SLCO6A1: variants seen among roughly 807,000 people sequenced by gnomAD.
SLCO6A1 encodes the protein solute carrier organic anion transporter family member 6A1.
A neutral mutation model predicts 72.7 loss-of-function variants in SLCO6A1; 65 were observed. That is an observed-to-expected ratio of 0.89 (90% CI 0.73 to 1.10). SLCO6A1 has a LOEUF of 1.10. Among genes scored for constraint, SLCO6A1 ranks in the 50% least tolerant of loss-of-function variants. The pLI, the probability that SLCO6A1 is intolerant of heterozygous loss-of-function variation, is 0.00. For synonymous variants in SLCO6A1, 314 were observed against 298.2 expected (o/e 1.05, Z -0.55); for missense variants, 874 against 872.6 (o/e 1.00, Z -0.02).
Position 102,477,865 on chromosome 5 carries a change from T to C in SLCO6A1, c.617-4A>G, listed in dbSNP as rs776861672. ...ACCTTTATTTCTTCGCAAATATCTT[T>C]TGAAAATACAATGATTATATTTTTG... is the stretch of plus-strand genomic sequence containing the variant. On this transcript the variant is annotated splice_region_variant and splice_polypyrimidine_tract_variant and intron_variant, in intron 2 of 13. Coordinates refer to ENST00000506729, the MANE Select transcript of SLCO6A1 (RefSeq NM_173488.5). 1 of 1,592,808 alleles carries C rather than the reference T, an allele frequency of 6.3e-7. No individual in the cohort carries two copies. The highest frequency in any genetic ancestry group is 8.6e-7 in the Non-Finnish European group (1 of 1,167,830).
chr5:102,475,054 T>A (rs753879054), intron 4 of SLCO6A1, among the ~76,000 whole-genome samples: 3 of 152,006 alleles, frequency 2.0e-5, no homozygotes, highest in Admixed American at 1.3e-4. Context: ...AAAAATAGAC[T>A]TACCATATGA....
At chr5:102,412,136 C>T (rs938974935) in intron 9 of SLCO6A1, among the ~76,000 whole-genome samples, 1 of 151,346 alleles carries the variant, frequency 6.6e-6, no homozygotes, top group Non-Finnish European at 1.5e-5. Flanking sequence ...GGAAGCCCTA[C>T]CCCAAAACCC....
At chr5:102,403,905 A>G (rs1330481793) in intron 9 of SLCO6A1, among the ~76,000 whole-genome samples, 1 of 152,024 alleles carries the variant, frequency 6.6e-6, no homozygotes, top group East Asian at 1.9e-4. Context: ...TTATATATAT[A>G]CTTTTTACCT....
intron 4 of SLCO6A1, among the ~76,000 whole-genome samples, chr5:102,470,932 C>T (rs929300241): frequency 3.9e-5 from 6 of 151,986 alleles, no homozygotes; most frequent in East Asian, 3.9e-4. Context: ...CTGGTTTTCT[C>T]GATTGTTTTT....
intron 1 of SLCO6A1, among the ~76,000 whole-genome samples, chr5:102,485,417 A>G (rs1752405882): frequency 1.3e-5 from 2 of 152,304 alleles, no homozygotes; most frequent in South Asian, 4.1e-4. Flanking sequence ...CTTGGGCCAT[A>G]TTGTACCAGT....
intron 10 of SLCO6A1, among the ~76,000 whole-genome samples, chr5:102,394,650 A>G (rs531010841): frequency 1.3e-5 from 2 of 152,110 alleles, no homozygotes; most frequent in Non-Finnish European, 2.9e-5. Context: ...AAATAAATAG[A>G]GAGGATCTCT....
rs532929221 is a variant in SLCO6A1, at chr5:102,393,064, A to T, written c.1815-2019T>A. Among the ~76,000 whole-genome samples, 102 of 152,060 alleles carry T rather than the reference A, an allele frequency of 6.7e-4. No individual in the cohort carries two copies. In the South Asian group the frequency reaches 8.7e-3, roughly 13 times the overall value. On this transcript the variant is annotated intron_variant, in intron 10 of 13. Coordinates refer to ENST00000506729, the MANE Select transcript of SLCO6A1 (RefSeq NM_173488.5). ...GTAGATCCAATACTGTCATTAAAAA[A>T]TTTTTTTCATATCTCTTTTTTTATC...
intron 9 of SLCO6A1, among the ~76,000 whole-genome samples, chr5:102,408,396 A>G (rs146107614): frequency 1.3e-5 from 2 of 152,240 alleles, no homozygotes; most frequent in East Asian, 3.9e-4. Context: ...AGAGAGAGAG[A>G]GGTTAAATAG....
intron 7 of SLCO6A1, among the ~76,000 whole-genome samples, chr5:102,434,253 T>C (rs1175533379): frequency 4.6e-5 from 7 of 152,036 alleles, no homozygotes; most frequent in Non-Finnish European, 8.8e-5. Flanking sequence ...ACAACTTTGC[T>C]TAGAATTTTG....
At chr5:102,436,641 C>G (rs1749551511) in intron 7 of SLCO6A1, among the ~76,000 whole-genome samples, 2 of 152,090 alleles carry the variant, frequency 1.3e-5, no homozygotes, top group Admixed American at 1.3e-4. Flanking sequence ...TTAATGATCC[C>G]CATGAGCTAC....
rs541690031 is a variant in SLCO6A1, at chr5:102,478,421, A to T, written c.617-560T>A. Reference sequence around the variant, plus strand: ...AAGAGTACTTTCTGAGTTTAGTTTTATGTTCACCTCTTTAACAATCTTTAT... The same window carrying T: ...AAGAGTACTTTCTGAGTTTAGTTTTTTGTTCACCTCTTTAACAATCTTTAT... On this transcript the variant is annotated intron_variant, in intron 2 of 13. Transcript: ENST00000506729. Among the ~76,000 whole-genome samples the T allele has an allele frequency of 2.1e-3, 317 of 152,246 alleles. 3 individuals carry two copies. The highest frequency in any genetic ancestry group is 7.2e-3 in the African/African-American group (301 of 41,558).
At position 102,419,979 on chromosome 5, in the gene SLCO6A1, C is replaced by T; in HGVS notation, c.1319G>A (p.Gly440Glu). The T allele has an allele frequency of 6.3e-7, 1 of 1,587,008 alleles. No homozygotes were observed. The highest frequency in any genetic ancestry group is 1.9e-5 in the Admixed American group (1 of 51,408). ...IPGGALGQLL[G>E]GVIVSTLEMS... The stretch of plus-strand genomic sequence containing the variant: ...TTCTAATGTGGAAACAATGACACCT[C>T]CCAGAAGCTGGCCAAGTGCACCTCC... The change falls in exon 8 of 14, where the codon GGA becomes GAA. Residue 440 changes from glycine (G) to glutamate (E), a missense_variant. Coordinates refer to ENST00000506729, the MANE Select transcript of SLCO6A1 (RefSeq NM_173488.5).
intron 6 of SLCO6A1, among the ~76,000 whole-genome samples, chr5:102,449,980 C>A (rs1431740617): frequency 1.3e-5 from 2 of 152,182 alleles, no homozygotes; most frequent in African/African-American, 4.8e-5. Context: ...TCAGCTGTAT[C>A]ATCTAGATTT....
At position 102,447,942 on chromosome 5, in the gene SLCO6A1, A is replaced by G. The variant is rs1750206480; in HGVS notation, c.1132-9181T>C. Among the ~76,000 whole-genome samples the G allele has an allele frequency of 2.0e-5, 3 of 151,764 alleles. No individual in the cohort carries two copies. In the South Asian group the frequency reaches 6.3e-4, roughly 32 times the overall value. On this transcript the variant is annotated intron_variant, in intron 6 of 13. Transcript: ENST00000506729. ...TTGGAGTTGGTTTGCTCTTGTTTTT[A>G]GTTTCCCTAGGTGTGACGTTAGATT...
In SLCO6A1 at chr5:102,413,023, C is replaced by A. The variant is rs759351113; in HGVS notation, c.1593G>T (p.Gly531=). ...GGTTTTGTGCTTTAGAATATGTACACCCTGCAAAGCAGGGAGAAAAATATT... is the reference window on the plus strand; with the variant it reads ...GGTTTTGTGCTTTAGAATATGTACAACCTGCAAAGCAGGGAGAAAAATATT... ...DIEYFSPCFA[G]CTYSKAQNQK... is the part of the protein sequence containing the mutation. Residue 531 remains glycine, a synonymous_variant, in exon 9 of 14, where the codon GGG becomes GGT. Transcript: ENST00000506729. 7.1e-5 allele frequency: 109 copies of A among 1,542,654 alleles called. No individual in the cohort carries two copies. Among genetic ancestry groups the A allele is most frequent in the Non-Finnish European group, 8.6e-5 (99 of 1,152,380 alleles).
chr5:102,492,235 G>C (rs567142210), intron 1 of SLCO6A1, among the ~76,000 whole-genome samples: 18 of 152,260 alleles, frequency 1.2e-4, no homozygotes, highest in African/African-American at 4.1e-4. Context: ...CTATTGGAAA[G>C]AATGGACAAT....
rs200571518 is a variant in SLCO6A1 at position 102,418,086 on chromosome 5, C to CT, written c.1472+1739dup. Among the ~76,000 whole-genome samples, 833 of 151,654 alleles carry CT rather than the reference C, an allele frequency of 5.5e-3. 4 individuals are homozygous for CT. The highest frequency in any genetic ancestry group is 0.019 in the African/African-American group (799 of 41,388). ...TGGGTTGATATAAAATTAAAGGTGA[C>CT]TTTTTTTTAAGGACTTTAAAAATAT... On this transcript the variant is annotated intron_variant, in intron 8 of 13. Coordinates refer to ENST00000506729, the MANE Select transcript of SLCO6A1 (RefSeq NM_173488.5).
At chr5:102,446,033 T>TG (rs1386356187) in intron 6 of SLCO6A1, among the ~76,000 whole-genome samples, 1 of 152,232 alleles carries the variant, frequency 6.6e-6, no homozygotes, top group Non-Finnish European at 1.5e-5. Flanking sequence ...AGGATTGCTT[T>TG]GGCTCTTGAG....
intron 6 of SLCO6A1, among the ~76,000 whole-genome samples, chr5:102,444,854 T>C (rs1750023805): frequency 6.6e-6 from 1 of 152,158 alleles, no homozygotes; most frequent in South Asian, 2.1e-4. Context: ...ACCCAGATAA[T>C]CAGAATAATG....
Sources: allele counts gnomAD v4.1 joint callset (sites outside exome capture counted in the v4.1 genomes callset), GRCh38; gene constraint gnomAD v4.1.1; transcripts MANE v1.5; gene names NCBI Gene and HGNC (gene_info 2026-07-23, HGNC 2026-07-21).